ZMAT5: variants seen among roughly 807,000 people sequenced by gnomAD.
ZMAT5 encodes zinc finger matrin-type protein 5.
A neutral mutation model predicts 28.0 loss-of-function variants in ZMAT5; 23 were observed. That is an observed-to-expected ratio of 0.82 (90% confidence interval 0.59 to 1.16). The LOEUF (loss-of-function observed/expected upper bound fraction) is 1.16, where lower values mean the gene tolerates loss of function less well. Among genes scored for constraint, ZMAT5 ranks in the 50% most tolerant of loss-of-function variants. The pLI, the probability that ZMAT5 is intolerant of heterozygous loss-of-function variation, is 0.00. For synonymous variants in ZMAT5, 76 were observed against 84.1 expected, an observed-to-expected ratio of 0.90 and a Z score of 0.52; for missense variants, 173 against 212.7, an observed-to-expected ratio of 0.81 and a Z score of 1.16.
At chr22:29,731,740 C>A in intron 5 of ZMAT5, 1 of 180,468 alleles carries the variant, frequency 5.5e-6, no homozygotes, top group Non-Finnish European at 1.1e-5. Context: ...GAAAAAGCAG[C>A]TTATAAAATA....
In ZMAT5 at chr22:29,740,669, C is replaced by A; in HGVS notation, c.252G>T (p.Glu84Asp). ...ACGTACCCTCCACCTGGATGCTCAG[C>A]TCCTGCAGGTCTCGCTCTGACATGT... ...FSHMSERDLQ[E>D]LSIQVEEERR... The change falls in exon 4 of 6, where the codon GAG (glutamate) becomes GAT (aspartate). Residue 84 changes from glutamate (E) to aspartate (D), a missense_variant. Glu to Asp is a conservative substitution (Grantham distance 45). Coordinates refer to ENST00000344318, the MANE Select transcript of ZMAT5 (RefSeq NM_001003692.2). 6.2e-7 allele frequency: 1 copy of A among 1,603,584 alleles called. No homozygotes were observed.
At chr22:29,742,609 C>T in intron 2 of ZMAT5, 129 bp from the exon 3 acceptor site, 2 of 851,036 alleles carry the variant, frequency 2.4e-6, no homozygotes, top group Non-Finnish European at 3.7e-6. Context: ...GTTTCCTGTT[C>T]CACGGAGGAG....
intron 1 of ZMAT5, among the ~76,000 whole-genome samples, chr22:29,761,575 A>G (rs2147239054): frequency 6.6e-6 from 1 of 152,234 alleles, no homozygotes; most frequent in East Asian, 1.9e-4. Flanking sequence ...CCTGGGTGAG[A>G]GAGTGAGACA....
chr22:29,761,381 A>G (rs1479230484), intron 1 of ZMAT5, among the ~76,000 whole-genome samples: 1 of 151,938 alleles, frequency 6.6e-6, no homozygotes, highest in Non-Finnish European at 1.5e-5. Context: ...GTTCAAAACC[A>G]GCCTGGGCAA....
chr22:29,757,788 C>T (rs1229757087), intron 1 of ZMAT5, among the ~76,000 whole-genome samples: 11 of 152,006 alleles, frequency 7.2e-5, no homozygotes, highest in Non-Finnish European at 1.5e-4. Flanking sequence ...GAGGCCAAGG[C>T]GGGCAGATCA....
At chr22:29,751,574 TG>T (rs1439665455) in intron 1 of ZMAT5, among the ~76,000 whole-genome samples, 1 of 152,136 alleles carries the variant, frequency 6.6e-6, no homozygotes, top group Non-Finnish European at 1.5e-5. Context: ...CCTTTTTAGA[TG>T]GGGGCACTCA....
At chr22:29,755,698 T>C (rs140130) in intron 1 of ZMAT5, among the ~76,000 whole-genome samples, 95,127 of 152,008 alleles carry the variant, frequency 0.63, 30,263 homozygotes, top group African/African-American at 0.74. Context: ...AAGACTCTAA[T>C]AATAACCATA....
At chr22:29,765,288 A>G (rs990717334) in intron 1 of ZMAT5, among the ~76,000 whole-genome samples, 3 of 151,684 alleles carry the variant, frequency 2.0e-5, no homozygotes, top group Non-Finnish European at 4.4e-5. Flanking sequence ...GCGTGTTGGC[A>G]TCCGCTTGTA....
At chr22:29,763,706 T>C (rs1282389903) in intron 1 of ZMAT5, among the ~76,000 whole-genome samples, 3 of 152,056 alleles carry the variant, frequency 2.0e-5, no homozygotes, top group African/African-American at 7.2e-5. Flanking sequence ...GTGGATCAGT[T>C]GAGCTCAGTA....
rs763967302 is a variant in ZMAT5, at chr22:29,740,693, G to A, written c.228C>T (p.His76=). 1 of 1,605,422 alleles carries A rather than the reference G, an allele frequency of 6.2e-7. No homozygotes were observed. The highest frequency in any genetic ancestry group is 8.5e-7 in the Non-Finnish European group (1 of 1,176,328). The change falls in exon 4 of 6, where the codon CAC becomes CAT. Residue 76 remains histidine, a synonymous_variant. Transcript: ENST00000344318. ...GCTCCTGCAGGTCTCGCTCTGACAT[G>A]TGGGAAAATCTGCAGTTGGAGCCAA... ...CDFGSNCRFS[H]MSERDLQELS... is the part of the protein sequence containing the mutation.
chr22:29,749,560 C>A (rs566715178), intron 1 of ZMAT5, among the ~76,000 whole-genome samples: 1 of 152,228 alleles, frequency 6.6e-6, no homozygotes. Flanking sequence ...TGCTCCAATG[C>A]TACTTTATCC....
intron 1 of ZMAT5, among the ~76,000 whole-genome samples, chr22:29,757,201 G>A (rs1286544670): frequency 5.6e-5 from 8 of 143,758 alleles, no homozygotes; most frequent in African/African-American, 2.1e-4. Flanking sequence ...GGACAACAGG[G>A]TGAGACCCCA....
At chr22:29,733,045 G>A (rs1357624075) in intron 5 of ZMAT5, among the ~76,000 whole-genome samples, 3 of 152,188 alleles carry the variant, frequency 2.0e-5, no homozygotes, top group African/African-American at 2.4e-5. Context: ...ATCCTCAGGC[G>A]AACCCCATTT....
At chr22:29,758,728 A>G (rs1353265559) in intron 1 of ZMAT5, 1 of 152,300 alleles carries the variant, frequency 6.6e-6, no homozygotes, top group Non-Finnish European at 1.5e-5. Context: ...ATTTACACAC[A>G]CACAAAAAGT....
At chr22:29,755,559 C>T (rs1037815933) in intron 1 of ZMAT5, among the ~76,000 whole-genome samples, 5 of 152,024 alleles carry the variant, frequency 3.3e-5, no homozygotes, top group Admixed American at 2.0e-4. Context: ...CTTGGCACTT[C>T]GCTTTCATTC....
chr22:29,756,603 A>G (rs1348844735), intron 1 of ZMAT5, among the ~76,000 whole-genome samples: 5 of 151,988 alleles, frequency 3.3e-5, no homozygotes, highest in Non-Finnish European at 7.4e-5. Flanking sequence ...CCTGATTCAG[A>G]CTCCACAGAG....
chr22:29,758,558 G>T (rs1348965308), intron 1 of ZMAT5, among the ~76,000 whole-genome samples: 1 of 152,120 alleles, frequency 6.6e-6, no homozygotes, highest in Non-Finnish European at 1.5e-5. Flanking sequence ...AGGAGATGAA[G>T]GTTGCAGTGA....
chr22:29,753,470 AGC>A (rs2068072215), intron 1 of ZMAT5, among the ~76,000 whole-genome samples: 1 of 152,218 alleles, frequency 6.6e-6, no homozygotes, highest in African/African-American at 2.4e-5. Context: ...GGTTGCAGTA[AGC>A]AGAGATCGCA....
intron 2 of ZMAT5, among the ~76,000 whole-genome samples, chr22:29,743,358 C>T (rs1386186544): frequency 6.6e-6 from 1 of 152,286 alleles, no homozygotes; most frequent in South Asian, 2.1e-4. Context: ...GACAGGACTT[C>T]CGACAATCAC....
Sources: gnomAD v4.1 joint callset for allele counts (sites outside exome capture counted in the v4.1 genomes callset) on GRCh38, gnomAD v4.1.1 for gene constraint, MANE v1.5 for transcripts, NCBI Gene and HGNC (gene_info 2026-07-23, HGNC 2026-07-21) for gene names.